Variants in ZNF385D observed in about 807,000 individuals in gnomAD.
The protein encoded by ZNF385D is zinc finger protein 385D.
In ZNF385D, 15 loss-of-function variants were observed where a neutral mutation model predicts 35.8. That is an observed-to-expected ratio of 0.42 (90% CI 0.28 to 0.64). The LOEUF is 0.64. Among genes scored for constraint, ZNF385D ranks in the 30% least tolerant of loss-of-function variants. ZNF385D has a pLI of 0.23. For synonymous variants in ZNF385D, 212 were observed against 186.8 expected, an observed-to-expected ratio of 1.13 and a Z score of -1.10; for missense variants, 474 against 494.6, an observed-to-expected ratio of 0.96 and a Z score of 0.39.
intron 3 of ZNF385D, among the ~76,000 whole-genome samples, chr3:21,987,919 T>G (rs1282578167): frequency 6.8e-6 from 1 of 146,410 alleles, no homozygotes; most frequent in Non-Finnish European, 1.5e-5. Flanking sequence ...TTCATTCATT[T>G]CATCTTCCAT....
rs116422227 is a variant in ZNF385D at position 21,734,768 on chromosome 3, A to G, written c.22+16127T>C. 3.1e-3 allele frequency among the ~76,000 whole-genome samples: 470 copies of G among 152,268 alleles called. 4 individuals carry two copies. The highest frequency in any genetic ancestry group is 0.011 in the African/African-American group (461 of 41,560). ...AATAAGAACCTTTGGAGGCATTTTC[A>G]TATGTGTCTCTGTGTTGTGGGATTA... On this transcript the variant is annotated intron_variant, in intron 1 of 7. Coordinates refer to ENST00000281523, the MANE Select transcript of ZNF385D (RefSeq NM_024697.3).
At chr3:21,552,225 A>C (rs905144396) in intron 3 of ZNF385D, among the ~76,000 whole-genome samples, 12 of 152,224 alleles carry the variant, frequency 7.9e-5, no homozygotes, top group Admixed American at 2.0e-4. Context: ...AAAATGATCT[A>C]ATATGTATGT....
At chr3:21,871,871 C>T (rs980653967) in intron 3 of ZNF385D, among the ~76,000 whole-genome samples, 3 of 151,872 alleles carry the variant, frequency 2.0e-5, no homozygotes, top group African/African-American at 4.8e-5. Context: ...CCGACAGGCG[C>T]CTGTAATCCC....
intron 1 of ZNF385D, among the ~76,000 whole-genome samples, chr3:21,691,960 T>C (rs1428895564): frequency 2.0e-5 from 3 of 152,178 alleles, no homozygotes; most frequent in Admixed American, 1.3e-4. Context: ...AAATATCTCC[T>C]AGGCGTGGAG....
At chr3:22,173,380 A>G (rs1448763628) in intron 2 of ZNF385D, among the ~76,000 whole-genome samples, 1 of 152,202 alleles carries the variant, frequency 6.6e-6, no homozygotes, top group African/African-American at 2.4e-5. Context: ...TACAAAAGAT[A>G]TCGACAATAG....
intron 4 of ZNF385D, among the ~76,000 whole-genome samples, chr3:21,481,031 C>T (rs1704593696): frequency 6.6e-6 from 1 of 152,122 alleles, no homozygotes; most frequent in Non-Finnish European, 1.5e-5. Context: ...CTGAAGCTTA[C>T]TCCATCCTAG....
At chr3:22,110,342 T>C (rs919451868) in intron 3 of ZNF385D, among the ~76,000 whole-genome samples, 1 of 151,778 alleles carries the variant, frequency 6.6e-6, no homozygotes, top group Non-Finnish European at 1.5e-5. Context: ...TGCACACATA[T>C]GTTTATTGCG....
intron 4 of ZNF385D, among the ~76,000 whole-genome samples, chr3:21,470,117 T>C (rs1287942004): frequency 6.6e-6 from 1 of 152,220 alleles, no homozygotes; most frequent in Non-Finnish European, 1.5e-5. Flanking sequence ...TACAACTTCA[T>C]TGAATAATTA....
intron 3 of ZNF385D, among the ~76,000 whole-genome samples, chr3:21,558,819 A>C (rs2062834619): frequency 6.6e-6 from 1 of 152,030 alleles, no homozygotes; most frequent in African/African-American, 2.4e-5. Flanking sequence ...ATGAATCTGG[A>C]TGCTCCTTTA....
At chr3:22,162,520 T>G (rs1405455265) in intron 3 of ZNF385D, among the ~76,000 whole-genome samples, 1 of 152,170 alleles carries the variant, frequency 6.6e-6, no homozygotes, top group Non-Finnish European at 1.5e-5. Context: ...CTATACTTTC[T>G]GAGGGCAGCT....
At chr3:22,137,828 G>C (rs920924101) in intron 3 of ZNF385D, among the ~76,000 whole-genome samples, 2 of 151,856 alleles carry the variant, frequency 1.3e-5, no homozygotes, top group African/African-American at 4.8e-5. Flanking sequence ...AGGGCAATCA[G>C]GCAGGAGAAG....
chr3:22,309,843 C>G (rs1703439989), intron 2 of ZNF385D, among the ~76,000 whole-genome samples: 1 of 151,794 alleles, frequency 6.6e-6, no homozygotes. Flanking sequence ...CCCTTGATAT[C>G]CAAGATAAAA....
At chr3:21,939,873 T>C (rs576845647) in intron 3 of ZNF385D, among the ~76,000 whole-genome samples, 2 of 152,274 alleles carry the variant, frequency 1.3e-5, no homozygotes, top group Middle Eastern at 3.4e-3. Context: ...CAGTTCCTTG[T>C]TCAGATGGCA....
At chr3:21,902,087 G>C (rs1478688305) in intron 3 of ZNF385D, among the ~76,000 whole-genome samples, 1 of 152,092 alleles carries the variant, frequency 6.6e-6, no homozygotes, top group Non-Finnish European at 1.5e-5. Flanking sequence ...TGTGCCTAGA[G>C]AATTAGATTA....
intron 3 of ZNF385D, among the ~76,000 whole-genome samples, chr3:21,946,925 T>C (rs186090107): frequency 6.6e-6 from 1 of 152,344 alleles, no homozygotes; most frequent in Admixed American, 6.5e-5. Flanking sequence ...CACATTGCAA[T>C]GTGCAGATCT....
chr3:21,783,125 C>G (rs534798074), intron 3 of ZNF385D, among the ~76,000 whole-genome samples: 26 of 152,198 alleles, frequency 1.7e-4, no homozygotes, highest in African/African-American at 6.0e-4. Context: ...GAGGCTAATA[C>G]AATATTTCTT....
chr3:21,670,659 CCCCCCCCCCCCCCCAAT>C (rs1559505413), intron 1 of ZNF385D, among the ~76,000 whole-genome samples: 2 of 18,700 alleles, frequency 1.1e-4, no homozygotes, highest in African/African-American at 5.1e-4. Flanking sequence ...CGCCCCCCCC[CCCCCCCCCCCCCCCAAT>C]GACTGAACGA....
chr3:21,623,383 C>T (rs1173303015), intron 2 of ZNF385D, among the ~76,000 whole-genome samples: 1 of 152,004 alleles, frequency 6.6e-6, no homozygotes, highest in African/African-American at 2.4e-5. Context: ...TGGCTCACAC[C>T]TTTAATCCTA....
chr3:21,857,325 T>C (rs1696776988), intron 3 of ZNF385D, among the ~76,000 whole-genome samples: 2 of 152,070 alleles, frequency 1.3e-5, no homozygotes, highest in Admixed American at 1.3e-4. Flanking sequence ...TTTCTTGATG[T>C]TTTGCTCATA....
Sources: gnomAD v4.1 joint callset for allele counts (sites outside exome capture counted in the v4.1 genomes callset) on GRCh38, gnomAD v4.1.1 for gene constraint, MANE v1.5 for transcripts, NCBI Gene and HGNC (gene_info 2026-07-23, HGNC 2026-07-21) for gene names.